COL14A1: variants seen among roughly 807,000 people sequenced by gnomAD.
COL14A1 encodes collagen type XIV alpha 1 chain, also known as collagen alpha-1(XIV) chain.
Under a neutral mutation model 230.3 loss-of-function variants are expected in COL14A1, and 136 were observed. The ratio of observed to expected loss-of-function variants is 0.59; its 90% CI spans 0.51 to 0.68. The LOEUF (loss-of-function observed/expected upper bound fraction) is 0.68, where lower values mean the gene tolerates loss of function less well. COL14A1 is among the 30% of genes least tolerant of loss of function. The pLI, the probability that COL14A1 is intolerant of heterozygous loss-of-function variation, is 0.00. For synonymous variants in COL14A1, 792 were observed against 784.1 expected, an observed-to-expected ratio of 1.01 and a Z score of -0.17; for missense variants, 1,976 against 2,215.8, an observed-to-expected ratio of 0.89 and a Z score of 2.17.
intron 31 of COL14A1, among the ~76,000 whole-genome samples, chr8:120,282,775 T>A (rs1412086858): frequency 6.6e-6 from 1 of 152,018 alleles, no homozygotes; most frequent in East Asian, 1.9e-4. Context: ...ATATTTTAGG[T>A]TGGGCTCTTC....
intron 45 of COL14A1, among the ~76,000 whole-genome samples, chr8:120,350,829 G>A (rs1411698808): frequency 3.3e-5 from 5 of 151,630 alleles, no homozygotes; most frequent in Non-Finnish European, 7.4e-5. Context: ...ACAGATCAAC[G>A]AGACAGAAAG....
Position 120,247,629 on chromosome 8 carries a change from C to T in COL14A1, c.2496C>T (p.Pro832=), listed in dbSNP as rs761675573. The part of the protein sequence containing the change: ...APGKTLPSSG[P]QNLRVSEEWY... The stretch of plus-strand genomic sequence containing the variant: ...TCTACTCAGTACCATCCTCGGGGCC[C>T]CAGAACTTGCGGGTGTCCGAGGAAT... The change falls in exon 21 of 48, where the codon CCC becomes CCT. Residue 832 remains proline (P), a synonymous_variant. Coordinates refer to ENST00000297848, the MANE Select transcript of COL14A1 (RefSeq NM_021110.4). 4 of 1,614,004 alleles carry T rather than the reference C, an allele frequency of 2.5e-6. No homozygotes were observed. The highest frequency in any genetic ancestry group is 3.4e-6 in the Non-Finnish European group (4 of 1,180,006).
chr8:120,271,417 A>T (rs925760645), intron 26 of COL14A1, among the ~76,000 whole-genome samples: 1 of 151,732 alleles, frequency 6.6e-6, no homozygotes, highest in Non-Finnish European at 1.5e-5. Flanking sequence ...ACAGAGACAG[A>T]TATAAACAGG....
At chr8:120,229,258 C>A (rs1818190625) in intron 18 of COL14A1, among the ~76,000 whole-genome samples, 1 of 104,294 alleles carries the variant, frequency 9.6e-6, no homozygotes. Flanking sequence ...CTATCCCTCC[C>A]CCCTCCCCCC....
chr8:120,154,968 A>G (rs570712375), intron 2 of COL14A1, among the ~76,000 whole-genome samples: 3 of 152,312 alleles, frequency 2.0e-5, no homozygotes, highest in East Asian at 3.9e-4. Flanking sequence ...AAAGGGGGAA[A>G]AAACCTAACT....
chr8:120,367,087 C>T (rs1823427963), intron 45 of COL14A1, 84 bp from the exon 46 acceptor site: 2 of 1,081,410 alleles, frequency 1.8e-6, no homozygotes, highest in Admixed American at 2.6e-5. Flanking sequence ...ATCAGAGAAG[C>T]ACTTTCGAAC....
intron 25 of COL14A1, among the ~76,000 whole-genome samples, chr8:120,269,696 T>C (rs946948716): frequency 2.0e-5 from 3 of 151,752 alleles, no homozygotes; most frequent in Non-Finnish European, 3.0e-5. Context: ...AGACAGTGTT[T>C]GCTGATACTT....
chr8:120,195,115 T>TG (rs1313831695), intron 5 of COL14A1, among the ~76,000 whole-genome samples: 1 of 152,188 alleles, frequency 6.6e-6, no homozygotes, highest in Non-Finnish European at 1.5e-5. Context: ...TTTCCCCATC[T>TG]GGTAAAAGCA....
chr8:120,249,026 C>T (rs1365668693), intron 21 of COL14A1, among the ~76,000 whole-genome samples: 2 of 142,524 alleles, frequency 1.4e-5, no homozygotes, highest in Non-Finnish European at 3.0e-5. Flanking sequence ...CCCGGGTTCA[C>T]GCCATTCTCC....
intron 8 of COL14A1, among the ~76,000 whole-genome samples, chr8:120,202,338 T>G (rs1817275571): frequency 6.6e-6 from 1 of 152,232 alleles, no homozygotes; most frequent in African/African-American, 2.4e-5. Flanking sequence ...AGACAACTAA[T>G]GCTTTGTTGC....
At position 120,208,214 on chromosome 8, in the gene COL14A1, A is replaced by AGAGTATGG; in HGVS notation, c.1192-18_1192-17insGAGTATGG. ...AAGATATTCCATACTCTCATTACTC[A>AGAGTATGG]AACTGTTCTTTAAACAGGTGGTGGT... On this transcript the variant is annotated splice_polypyrimidine_tract_variant and intron_variant, in intron 10 of 47. Transcript: ENST00000297848. 1 of 1,594,558 alleles carries AGAGTATGG rather than the reference A, an allele frequency of 6.3e-7. No homozygotes were observed.
chr8:120,225,542 G>A (rs1309479827), intron 15 of COL14A1, among the ~76,000 whole-genome samples: 1 of 152,066 alleles, frequency 6.6e-6, no homozygotes, highest in Non-Finnish European at 1.5e-5. Flanking sequence ...ATTCAAATGA[G>A]TGTGTGTATT....
chr8:120,242,840 G>A (rs2130848832), intron 19 of COL14A1, among the ~76,000 whole-genome samples: 1 of 152,228 alleles, frequency 6.6e-6, no homozygotes, highest in South Asian at 2.1e-4. Context: ...AGCTGCTTCT[G>A]GGTTCAACTC....
At chr8:120,257,140 A>G (rs940123596) in intron 23 of COL14A1, among the ~76,000 whole-genome samples, 2 of 152,222 alleles carry the variant, frequency 1.3e-5, no homozygotes, top group Non-Finnish European at 2.9e-5. Context: ...TCTGAAGCCA[A>G]GATCTTTGCT....
intron 45 of COL14A1, among the ~76,000 whole-genome samples, chr8:120,350,853 C>A (rs1486232697): frequency 6.6e-6 from 1 of 151,764 alleles, no homozygotes; most frequent in Admixed American, 6.6e-5. Flanking sequence ...ACAAGGATAC[C>A]CAGGAATTGA....
At chr8:120,291,388 C>T (rs1004413388) in intron 34 of COL14A1, among the ~76,000 whole-genome samples, 12 of 151,584 alleles carry the variant, frequency 7.9e-5, no homozygotes, top group African/African-American at 1.9e-4. Flanking sequence ...GGTGAAACTC[C>T]GTCTCTACTA....
At chr8:120,368,214 T>C (rs144493847) in intron 46 of COL14A1, among the ~76,000 whole-genome samples, 164 of 152,268 alleles carry the variant, frequency 1.1e-3, no homozygotes, top group African/African-American at 3.9e-3. Context: ...ATTAGAATTA[T>C]TATAATTTGC....
rs1248611901 is a variant in COL14A1 at position 120,225,181 on chromosome 8, C to T, written c.1831C>T (p.Gln611Ter). 1.2e-6 allele frequency: 2 copies of T among 1,612,862 alleles called. No individual in the cohort carries two copies. Among genetic ancestry groups the T allele is most frequent in the East Asian group, 2.2e-5 (1 of 44,798 alleles). ...IAIFSIYDEG[Q>*]SEPLTGVFTT... is the part of the protein sequence containing the mutation. ...TATTTTCTCCATCTATGATGAAGGA[C>T]AGTCAGAGCCTCTGACTGGAGTTTT... Residue 611 changes from glutamine to a stop codon, truncating the protein, a stop_gained, in exon 15 of 48, where the codon CAG (glutamine) becomes TAG (stop). Coordinates refer to ENST00000297848, the MANE Select transcript of COL14A1 (RefSeq NM_021110.4). LOFTEE classifies it high-confidence loss of function.
chr8:120,159,771 A>G (rs538554387), intron 3 of COL14A1, among the ~76,000 whole-genome samples: 1 of 152,240 alleles, frequency 6.6e-6, no homozygotes, highest in East Asian at 1.9e-4. Flanking sequence ...GGCTCACTGC[A>G]ACCTCTGCCT....
Sources: allele counts gnomAD v4.1 joint callset (sites outside exome capture counted in the v4.1 genomes callset), GRCh38; gene constraint gnomAD v4.1.1; transcripts MANE v1.5; gene names NCBI Gene and HGNC (gene_info 2026-07-23, HGNC 2026-07-21).